Variants in BTBD8 observed in about 807,000 individuals in gnomAD.
The protein encoded by BTBD8 is BTB/POZ domain-containing protein 8.
A neutral mutation model predicts 162.9 loss-of-function variants in BTBD8; 110 were observed. The ratio of observed to expected loss-of-function variants is 0.68; its 90% CI spans 0.58 to 0.79. The LOEUF is 0.79. Among genes scored for constraint, BTBD8 ranks in the 30% least tolerant of loss-of-function variants. The pLI is 0.00. For missense variants in BTBD8, 1,905 were observed against 2,085.4 expected (o/e 0.91, Z 1.68); for synonymous variants, 667 against 716.1 (o/e 0.93, Z 1.10).
intron 2 of BTBD8, among the ~76,000 whole-genome samples, chr1:92,100,486 A>G (rs1193441272): frequency 6.6e-6 from 1 of 151,996 alleles, no homozygotes; most frequent in Non-Finnish European, 1.5e-5. Context: ...TACTAATTCA[A>G]TCCCTTTACT....
In BTBD8 at chr1:92,180,807, C is replaced by G; in HGVS notation, c.3124C>G (p.Leu1042Val). 1 of 1,551,552 alleles carries G rather than the reference C, an allele frequency of 6.4e-7. No homozygotes were observed. The highest frequency in any genetic ancestry group is 8.7e-7 in the Non-Finnish European group (1 of 1,146,954). The change falls in exon 17 of 18, where the codon CTG becomes GTG. Residue 1042 changes from leucine to valine, a missense_variant. Leu to Val is a conservative substitution (Grantham distance 32). Around this residue, in one of 3 missense-constraint regions of BTBD8, gnomAD observed 1,374 missense variants for 1,442.7 expected, o/e 0.95. Coordinates refer to ENST00000636805, the MANE Select transcript of BTBD8 (RefSeq NM_001376131.1). ...GCTGGATAAATCATTAAAACACGAA[C>G]TGGAATCAAAACAGATTTGTTTAGA... ...SKLDKSLKHE[L>V]ESKQICLDKS...
intron 1 of BTBD8, among the ~76,000 whole-genome samples, chr1:92,081,071 T>A (rs1030436925): frequency 1.3e-5 from 2 of 152,210 alleles, no homozygotes; most frequent in African/African-American, 2.4e-5. Flanking sequence ...ACACAATTTT[T>A]AAAATAAGCT....
chr1:92,118,047 G>A (rs926318489), intron 4 of BTBD8, among the ~76,000 whole-genome samples: 4 of 151,928 alleles, frequency 2.6e-5, no homozygotes, highest in African/African-American at 9.7e-5. Flanking sequence ...AAAGAGTACA[G>A]TATTCTCGTA....
At chr1:92,148,154 T>C (rs1649969580) in intron 9 of BTBD8, among the ~76,000 whole-genome samples, 1 of 152,184 alleles carries the variant, frequency 6.6e-6, no homozygotes, top group Non-Finnish European at 1.5e-5. Context: ...GAATCAGCCA[T>C]CTACCTGGTG....
chr1:92,151,537 T>A (rs2100644415), intron 9 of BTBD8, among the ~76,000 whole-genome samples: 1 of 152,006 alleles, frequency 6.6e-6, no homozygotes, highest in South Asian at 2.1e-4. Context: ...AGTACCAGTA[T>A]TTTTTTTAAA....
At chr1:92,100,950 T>TG (rs966403854) in intron 2 of BTBD8, among the ~76,000 whole-genome samples, 7 of 152,132 alleles carry the variant, frequency 4.6e-5, no homozygotes, top group African/African-American at 1.7e-4. Flanking sequence ...CATAGGTTTG[T>TG]GGGGGAACAG....
At chr1:92,142,691 G>A (rs1232808088) in intron 7 of BTBD8, among the ~76,000 whole-genome samples, 7 of 152,186 alleles carry the variant, frequency 4.6e-5, no homozygotes, top group Non-Finnish European at 1.0e-4. Flanking sequence ...CTGATACAGG[G>A]CTAGATGACA....
intron 2 of BTBD8, among the ~76,000 whole-genome samples, chr1:92,090,696 G>A (rs369670579): frequency 3.3e-5 from 5 of 152,186 alleles, no homozygotes; most frequent in Admixed American, 6.5e-5. Context: ...TTAGGAGGCC[G>A]AGGTGGGCAG....
chr1:92,081,192 C>T (rs1024111932), intron 1 of BTBD8, among the ~76,000 whole-genome samples: 6 of 152,016 alleles, frequency 3.9e-5, no homozygotes, highest in Admixed American at 3.3e-4. Context: ...AACAATTTAC[C>T]AGAAATGCTT....
In BTBD8 at chr1:92,180,080, T is replaced by A. The variant is rs192306626; in HGVS notation, c.2582-185T>A. Reference sequence around the variant, plus strand: ...CCCTCTATATTTTTAATTGAAAAAATTTTTTTATTTTATCATGTAACTGAT... The same window carrying A: ...CCCTCTATATTTTTAATTGAAAAAAATTTTTTATTTTATCATGTAACTGAT... On this transcript the variant is annotated intron_variant, in intron 16 of 17. Coordinates refer to ENST00000636805, the MANE Select transcript of BTBD8 (RefSeq NM_001376131.1). Among the ~76,000 whole-genome samples, 266 of 152,248 alleles carry A rather than the reference T, an allele frequency of 1.7e-3. 3 individuals carry two copies. Among genetic ancestry groups the A allele is most frequent in the African/African-American group, 5.8e-3 (243 of 41,544 alleles).
chr1:92,184,061 C>G lies in BTBD8; in HGVS notation c.5110C>G (p.Leu1704Val). ...ACAAGATTGGACACTACTAAAGCAA[C>G]TGCTCTCTGAACAGGATTCAAACTT... ...AKQDWTLLKQ[L>V]LSEQDSNLDV... Residue 1704 changes from leucine to valine, a missense_variant, in exon 18 of 18, where the codon CTG becomes GTG. By Grantham distance (32) the Leu-to-Val change is conservative. Transcript: ENST00000636805. The G allele has an allele frequency of 6.4e-7, 1 of 1,551,642 alleles. No homozygotes were observed. The highest frequency in any genetic ancestry group is 8.7e-7 in the Non-Finnish European group (1 of 1,146,884).
chr1:92,183,890 G>A lies in BTBD8; in HGVS notation c.4939G>A (p.Ala1647Thr). Residue 1647 changes from alanine to threonine, a missense_variant, in exon 18 of 18, where the codon GCA becomes ACA. Ala to Thr is a moderately conservative substitution (Grantham distance 58). Transcript: ENST00000636805. ...AGDIDDCDTL[A>T]QTRMYDHRPS... Reference sequence around the variant, plus strand: ...AGACATAGATGATTGTGACACACTGGCACAAACCCGCATGTATGACCATCG... The same window carrying A: ...AGACATAGATGATTGTGACACACTGACACAAACCCGCATGTATGACCATCG... 1 of 1,549,822 alleles carries A rather than the reference G, an allele frequency of 6.5e-7. No individual in the cohort carries two copies. The highest frequency in any genetic ancestry group is 8.7e-7 in the Non-Finnish European group (1 of 1,146,390).
intron 9 of BTBD8, among the ~76,000 whole-genome samples, chr1:92,154,150 T>G (rs1450473639): frequency 6.6e-6 from 1 of 152,186 alleles, no homozygotes; most frequent in Admixed American, 6.5e-5. Context: ...GATTGTAAGC[T>G]TCCTGAGGCC....
chr1:92,169,824 AT>A (rs1650486759), intron 12 of BTBD8, among the ~76,000 whole-genome samples: 1 of 152,202 alleles, frequency 6.6e-6, no homozygotes, highest in Non-Finnish European at 1.5e-5. Flanking sequence ...TCAGAATAGG[AT>A]CTGCTTTTAC....
chr1:92,170,838 A>C (rs1650517646), intron 12 of BTBD8, among the ~76,000 whole-genome samples: 1 of 148,680 alleles, frequency 6.7e-6, no homozygotes, highest in African/African-American at 2.5e-5. Context: ...TATAAAATGA[A>C]TTTTTATTTA....
chr1:92,138,448 A>G (rs964772490), intron 5 of BTBD8, among the ~76,000 whole-genome samples: 5 of 152,228 alleles, frequency 3.3e-5, no homozygotes, highest in African/African-American at 7.2e-5. Context: ...AACCTGTAGA[A>G]TGTGCTCTAA....
intron 4 of BTBD8, among the ~76,000 whole-genome samples, chr1:92,128,613 T>G (rs1649425494): frequency 6.6e-6 from 1 of 151,338 alleles, no homozygotes; most frequent in African/African-American, 2.4e-5. Flanking sequence ...ACAGACAGGG[T>G]TTCATCATAT....
chr1:92,177,139 G>A lies in BTBD8; in HGVS notation c.1946G>A (p.Arg649Gln), dbSNP rs777371999. The A allele has an allele frequency of 1.5e-5, 24 of 1,551,548 alleles. No individual in the cohort carries two copies. The highest frequency in any genetic ancestry group is 1.1e-4 in the South Asian group (9 of 84,058). ...KSKTENGDKA[R>Q]LENMSPRQVV... The stretch of plus-strand genomic sequence containing the variant: ...AAAACAGAAAATGGTGATAAGGCAC[G>A]GTTGGAAAACATGTCACCTAGACAA... Residue 649 changes from arginine to glutamine, a missense_variant, in exon 14 of 18, where the codon CGG becomes CAG. Coordinates refer to ENST00000636805, the MANE Select transcript of BTBD8 (RefSeq NM_001376131.1).
intron 1 of BTBD8, 114 bp from the exon 2 acceptor site, chr1:92,088,584 T>C (rs1648216691): frequency 2.5e-6 from 2 of 801,102 alleles, no homozygotes; most frequent in Admixed American, 3.5e-5. Flanking sequence ...GTATTAACTT[T>C]ATGTTGCCTC....
Sources: allele counts gnomAD v4.1 joint callset (sites outside exome capture counted in the v4.1 genomes callset), GRCh38; gene constraint gnomAD v4.1.1; regional missense constraint gnomAD v4.1.1; transcripts MANE v1.5; gene names NCBI Gene and HGNC (gene_info 2026-07-23, HGNC 2026-07-21).